Variants in SGCD observed in about 807,000 individuals in gnomAD.
SGCD encodes the protein sarcoglycan delta.
In SGCD, 18 loss-of-function variants were observed where a neutral mutation model predicts 36.6. The ratio of observed to expected loss-of-function variants is 0.49; its 90% CI spans 0.34 to 0.73. The LOEUF (loss-of-function observed/expected upper bound fraction) is 0.73, where lower values mean the gene tolerates loss of function less well. SGCD is among the 30% of genes least tolerant of loss of function. The pLI, the probability that SGCD is intolerant of heterozygous loss-of-function variation, is 0.01. For synonymous variants in SGCD, 133 were observed against 130.6 expected (o/e 1.02, Z -0.12); for missense variants, 387 against 346.7 (o/e 1.12, Z -0.92).
chr5:156,540,288 CTAT>C (rs1361988110), intron 4 of SGCD, among the ~76,000 whole-genome samples: 3 of 151,990 alleles, frequency 2.0e-5, no homozygotes, highest in African/African-American at 7.2e-5. Context: ...TGGTATGAAG[CTAT>C]TATTATTTGT....
At chr5:155,955,568 C>G (rs1024058013) in intron 1 of SGCD, among the ~76,000 whole-genome samples, 28 of 151,998 alleles carry the variant, frequency 1.8e-4, no homozygotes, top group Admixed American at 1.8e-3. Context: ...AAATAATTAC[C>G]TAACATATTA....
intron 3 of SGCD, among the ~76,000 whole-genome samples, chr5:156,221,571 C>A (rs1581176859): frequency 6.6e-6 from 1 of 150,412 alleles, no homozygotes; most frequent in Non-Finnish European, 1.5e-5. Flanking sequence ...AAAAAAAAAA[C>A]AAAAAACAAA....
In SGCD at chr5:156,617,716, T is replaced by C. The variant is rs112806814; in HGVS notation, c.502+22665T>C. Reference sequence around the variant, plus strand: ...CAAATACTCAGCAAAGGTCGTTAACTAGAGCTTCACCCAACAGCACCCAGC... The same window carrying C: ...CAAATACTCAGCAAAGGTCGTTAACCAGAGCTTCACCCAACAGCACCCAGC... On this transcript the variant is annotated intron_variant, in intron 6 of 8. Coordinates refer to ENST00000337851, the MANE Select transcript of SGCD (RefSeq NM_000337.6). Among the ~76,000 whole-genome samples the C allele has an allele frequency of 5.0e-3, 756 of 152,264 alleles. 4 individuals carry two copies. The highest frequency in any genetic ancestry group is 0.017 in the African/African-American group (708 of 41,560).
intron 3 of SGCD, among the ~76,000 whole-genome samples, chr5:156,180,336 A>G (rs994547534): frequency 1.3e-5 from 2 of 152,160 alleles, no homozygotes; most frequent in Non-Finnish European, 2.9e-5. Flanking sequence ...TCTCATTTAA[A>G]CGTTGTGCTG....
At chr5:156,504,349 G>A (rs962114861) in intron 3 of SGCD, among the ~76,000 whole-genome samples, 1 of 148,798 alleles carries the variant, frequency 6.7e-6, no homozygotes, top group East Asian at 2.0e-4. Flanking sequence ...ATTTCCTTGA[G>A]AATTTTTGTT....
intron 3 of SGCD, among the ~76,000 whole-genome samples, chr5:156,444,096 C>CCT (rs1753635160): frequency 8.4e-6 from 1 of 119,478 alleles, no homozygotes; most frequent in East Asian, 2.7e-4. Flanking sequence ...CTCTCTCTCT[C>CCT]TCTCTCTCTC....
chr5:156,393,830 C>T lies in SGCD; in HGVS notation c.192+49153C>T, dbSNP rs1181982585. 2.4e-5 allele frequency: 11 copies of T among 456,184 alleles called. No individual in the cohort carries two copies. In the Admixed American group the frequency reaches 2.6e-4, roughly 11 times the overall value. The allele number at this position is 456,184 out of a possible 1,614,324, so 28.3% of individuals were successfully genotyped here. On this transcript the variant is annotated intron_variant, in intron 3 of 8. Coordinates refer to ENST00000337851, the MANE Select transcript of SGCD (RefSeq NM_000337.6). The stretch of plus-strand genomic sequence containing the variant: ...GCTGAGAGGAGCCAGAACCAGGAGC[C>T]AGGTGACTCAGATTCCAGTACCCAC...
chr5:155,871,998 G>C (rs1411781583), intron 1 of SGCD, among the ~76,000 whole-genome samples: 2 of 152,200 alleles, frequency 1.3e-5, no homozygotes, highest in Non-Finnish European at 2.9e-5. Flanking sequence ...AAGAAATAAT[G>C]TGAGCCAGGC....
At chr5:155,945,894 C>T (rs952306557) in intron 1 of SGCD, among the ~76,000 whole-genome samples, 2 of 152,108 alleles carry the variant, frequency 1.3e-5, no homozygotes, top group African/African-American at 4.8e-5. Flanking sequence ...AGAGAGTCAC[C>T]TGGAAGGGTG....
At chr5:155,941,081 T>A (rs896578116) in intron 1 of SGCD, among the ~76,000 whole-genome samples, 2 of 152,028 alleles carry the variant, frequency 1.3e-5, no homozygotes, top group African/African-American at 4.8e-5. Flanking sequence ...TTGGGTGGCA[T>A]CATCCCATGT....
At chr5:156,094,730 T>C (rs886627251) in intron 1 of SGCD, among the ~76,000 whole-genome samples, 3 of 152,148 alleles carry the variant, frequency 2.0e-5, no homozygotes, top group African/African-American at 7.2e-5. Flanking sequence ...TGGCTGGGCA[T>C]GGTGACTTAC....
At chr5:156,162,110 G>T (rs1207248822) in intron 3 of SGCD, among the ~76,000 whole-genome samples, 1 of 151,084 alleles carries the variant, frequency 6.6e-6, no homozygotes, top group African/African-American at 2.5e-5. Flanking sequence ...GTCCCAGGGT[G>T]GTGGGGGTGG....
intron 2 of SGCD, among the ~76,000 whole-genome samples, chr5:156,119,350 C>T (rs995631225): frequency 1.3e-5 from 2 of 152,004 alleles, no homozygotes; most frequent in Admixed American, 6.6e-5. Flanking sequence ...GTTTGAATCC[C>T]GACTTGTCAC....
intron 1 of SGCD, among the ~76,000 whole-genome samples, chr5:156,031,431 C>T (rs1759347174): frequency 6.6e-6 from 1 of 152,044 alleles, no homozygotes; most frequent in African/African-American, 2.4e-5. Context: ...GAAAGAGCTT[C>T]CCACCAGGCA....
intron 3 of SGCD, among the ~76,000 whole-genome samples, chr5:156,470,514 C>T (rs1754913579): frequency 6.7e-6 from 1 of 148,596 alleles, no homozygotes; most frequent in Admixed American, 6.7e-5. Context: ...CCACCACAGT[C>T]CCCAGAGTGT....
intron 3 of SGCD, among the ~76,000 whole-genome samples, chr5:156,391,369 G>A (rs540740462): frequency 4.6e-5 from 7 of 152,296 alleles, no homozygotes; most frequent in East Asian, 1.9e-4. Flanking sequence ...CTCAGAACAC[G>A]TGCCTATTGT....
chr5:155,765,819 A>G, the SGCD span, among the ~76,000 whole-genome samples: 2 of 152,128 alleles, frequency 1.3e-5, no homozygotes, highest in African/African-American at 4.8e-5. Flanking sequence ...AAATCCAGCA[A>G]GAAGTCTTTG....
chr5:155,828,117 G>A, the SGCD span, among the ~76,000 whole-genome samples: 8 of 152,176 alleles, frequency 5.3e-5, no homozygotes, highest in Admixed American at 6.5e-5. Context: ...CCTTACAAGG[G>A]TTGTTTCATT....
intron 1 of SGCD, among the ~76,000 whole-genome samples, chr5:155,927,155 A>G (rs994360685): frequency 7.9e-5 from 12 of 152,234 alleles, no homozygotes; most frequent in Admixed American, 5.2e-4. Flanking sequence ...TAGAAATGTT[A>G]TAGTATCCAT....
Sources: gnomAD v4.1 joint callset for allele counts (sites outside exome capture counted in the v4.1 genomes callset) on GRCh38, gnomAD v4.1.1 for gene constraint, MANE v1.5 for transcripts, NCBI Gene and HGNC (gene_info 2026-07-23, HGNC 2026-07-21) for gene names.